Variants in PRELID2 observed in about 807,000 individuals in gnomAD.
The protein encoded by PRELID2 is PRELI domain containing 2, also known as PRELI domain-containing protein 2.
Under a neutral mutation model 28.4 loss-of-function variants are expected in PRELID2, and 25 were observed. That is an observed-to-expected ratio of 0.88 (90% CI 0.64 to 1.23). PRELID2 has a LOEUF of 1.23. PRELID2 is among the 50% of genes most tolerant of loss of function. The probability of loss-of-function intolerance (pLI) is 0.00; values close to 1 mark genes in which losing one functional copy is unlikely to be tolerated. For missense variants in PRELID2, 201 were observed against 214.4 expected (o/e 0.94, Z 0.39); for synonymous variants, 76 against 71.6 (o/e 1.06, Z -0.31).
chr5:145,773,712 A>T (rs529454797), intron 5 of PRELID2, among the ~76,000 whole-genome samples: 2 of 152,376 alleles, frequency 1.3e-5, no homozygotes, highest in South Asian at 4.1e-4. Context: ...AAAAGCAACA[A>T]GGTTCCTATT....
intron 1 of PRELID2, among the ~76,000 whole-genome samples, chr5:145,488,204 G>A (rs1218730895): frequency 6.6e-6 from 1 of 152,072 alleles, no homozygotes; most frequent in Admixed American, 6.6e-5. Flanking sequence ...TGGAGACGGG[G>A]TGCTGGGAAG....
chr5:145,824,494 A>G (rs927346244), intron 1 of PRELID2, among the ~76,000 whole-genome samples: 2 of 145,264 alleles, frequency 1.4e-5, no homozygotes, highest in Non-Finnish European at 3.0e-5. Context: ...TTTTTCAGGG[A>G]AAGGGGTTCA....
intron 1 of PRELID2, among the ~76,000 whole-genome samples, chr5:145,643,957 T>C (rs1754152840): frequency 6.6e-6 from 1 of 152,188 alleles, no homozygotes; most frequent in Admixed American, 6.6e-5. Context: ...TCATCAGTGA[T>C]ATTGGCCTGA....
At chr5:145,298,089 C>T in the PRELID2 span, among the ~76,000 whole-genome samples, 43 of 151,888 alleles carry the variant, frequency 2.8e-4, no homozygotes, top group African/African-American at 5.1e-4. Context: ...AAGCTACCAA[C>T]GACTTTCTTC....
intron 5 of PRELID2, among the ~76,000 whole-genome samples, chr5:145,781,872 G>T (rs1751657064): frequency 6.6e-6 from 1 of 151,464 alleles, no homozygotes; most frequent in Admixed American, 6.6e-5. Context: ...TTCTATGCCT[G>T]CCATAGGTTT....
intron 1 of PRELID2, among the ~76,000 whole-genome samples, chr5:145,476,574 G>T (rs1433717227): frequency 1.3e-5 from 2 of 152,102 alleles, no homozygotes; most frequent in East Asian, 3.9e-4. Context: ...GAACCCCGGA[G>T]GTGGAGGTTA....
At chr5:145,341,716 GA>G in the PRELID2 span, among the ~76,000 whole-genome samples, 1,788 of 131,000 alleles carry the variant, frequency 0.014, 37 homozygotes, top group African/African-American at 0.045. Context: ...CAAAATTTTA[GA>G]AAAAAAAAAA....
chr5:145,594,186 TC>T (rs1753270401), intron 1 of PRELID2, among the ~76,000 whole-genome samples: 1 of 152,194 alleles, frequency 6.6e-6, no homozygotes, highest in South Asian at 2.1e-4. Context: ...TTGCATTTTT[TC>T]ATAATAAAAG....
chr5:145,644,830 T>C (rs543129337), intron 1 of PRELID2, among the ~76,000 whole-genome samples: 2 of 152,202 alleles, frequency 1.3e-5, no homozygotes, highest in Admixed American at 6.5e-5. Context: ...TGGTTTTGAG[T>C]GAGTTTCTTA....
chr5:145,448,718 A>T, the PRELID2 span, among the ~76,000 whole-genome samples: 1 of 152,162 alleles, frequency 6.6e-6, no homozygotes, highest in Non-Finnish European at 1.5e-5. Context: ...ACCTGAGGCC[A>T]CCACTCTAAA....
the PRELID2 span, among the ~76,000 whole-genome samples, chr5:145,415,440 C>G: frequency 3.4e-5 from 5 of 148,432 alleles, no homozygotes; most frequent in African/African-American, 1.0e-4. Flanking sequence ...CCACCCCCAC[C>G]CCACAACAGT....
At chr5:145,372,782 G>A in the PRELID2 span, among the ~76,000 whole-genome samples, 2 of 148,866 alleles carry the variant, frequency 1.3e-5, no homozygotes, top group African/African-American at 2.5e-5. Flanking sequence ...CATACCAATG[G>A]GTCTTGACTC....
the PRELID2 span, among the ~76,000 whole-genome samples, chr5:145,388,844 C>T: frequency 5.9e-5 from 9 of 152,146 alleles, no homozygotes; most frequent in Admixed American, 2.0e-4. Flanking sequence ...CCATCATTCT[C>T]CATCATGATT....
chr5:145,631,948 T>A (rs957290926), intron 1 of PRELID2, among the ~76,000 whole-genome samples: 5 of 152,142 alleles, frequency 3.3e-5, no homozygotes, highest in African/African-American at 9.7e-5. Flanking sequence ...AACAGGGAAA[T>A]CAGTCTTTGA....
rs958196307 is a variant in PRELID2, at chr5:145,832,224, C to A, written c.75+2953G>T. ...TTTTTGAGATGAAGTCTTGCTCTGT[C>A]ACCCAGGCTGGAGTGCAATGGCATG... On this transcript the variant is annotated intron_variant, in intron 1 of 6. Transcript: ENST00000683046. Among the ~76,000 whole-genome samples the A allele has an allele frequency of 1.1e-4, 16 of 152,262 alleles. No individual in the cohort carries two copies. In the East Asian group the frequency reaches 1.7e-3, roughly 17 times the overall value.
chr5:145,448,011 G>C, the PRELID2 span, among the ~76,000 whole-genome samples: 4 of 152,010 alleles, frequency 2.6e-5, no homozygotes, highest in African/African-American at 7.2e-5. Flanking sequence ...TGGGTCAAAT[G>C]GTATTTCTAG....
rs530564306 is a variant in PRELID2, at chr5:145,580,591, TA to T, written n.71-107277del. 4.7e-3 allele frequency among the ~76,000 whole-genome samples: 711 copies of T among 152,166 alleles called. 3 individuals carry two copies. Among genetic ancestry groups the T allele is most frequent in the Middle Eastern group, 0.014 (4 of 294 alleles). On this transcript the variant is annotated intron_variant and non_coding_transcript_variant, in intron 1 of 2. Coordinates refer to the PRELID2 transcript ENST00000510259. ...ATCTCTCCTCAAGAGAATGCATTTG[TA>T]AGACTGTTAATTCTGTAACCAAGGG... is the stretch of plus-strand genomic sequence containing the variant.
At chr5:145,236,076 T>C in the PRELID2 span, among the ~76,000 whole-genome samples, 2 of 152,248 alleles carry the variant, frequency 1.3e-5, no homozygotes, top group South Asian at 4.1e-4. Context: ...CTGTCTTCAT[T>C]GGCATTGAGG....
rs1757366546 is a variant in PRELID2, at chr5:145,759,370, T to C, written c.*1166A>G. 6.6e-6 allele frequency: 1 copy of C among 152,202 alleles called. No individual in the cohort carries two copies. Among genetic ancestry groups the C allele is most frequent in the Non-Finnish European group, 1.5e-5 (1 of 68,030 alleles). The allele number at this position is 152,202 out of a possible 1,614,324, so 9.4% of individuals were successfully genotyped here. On this transcript the variant is annotated 3_prime_UTR_variant, in exon 7 of 7. Transcript: ENST00000683046. ...TTCAAGATTTTTTAGGTAGTATGTA[T>C]TTATATTTTGGCTTCTGATCACGAG...
Sources: allele counts gnomAD v4.1 joint callset (sites outside exome capture counted in the v4.1 genomes callset), GRCh38; gene constraint gnomAD v4.1.1; transcripts MANE v1.5; gene names NCBI Gene and HGNC (gene_info 2026-07-23, HGNC 2026-07-21).